The following ZBTB38 variants were observed in gnomAD, a reference collection of about 807,000 sequenced individuals.
The protein encoded by ZBTB38 is zinc finger and BTB domain-containing protein 38.
ZBTB38 carries 20 observed loss-of-function variants against 76.8 expected under a neutral mutation model. The observed-to-expected ratio is 0.26, with a 90% CI of 0.18 to 0.38. The LOEUF is 0.38. Among genes scored for constraint, ZBTB38 ranks in the 10% least tolerant of loss-of-function variants. The pLI is 1.00. For missense variants in ZBTB38, 1,082 were observed against 1,482.3 expected (o/e 0.73, Z 4.43); for synonymous variants, 504 against 544.2 (o/e 0.93, Z 1.03).
At chr3:141,325,254 G>C (rs1349443454) in intron 1 of ZBTB38, among the ~76,000 whole-genome samples, 1 of 152,168 alleles carries the variant, frequency 6.6e-6, no homozygotes, top group Non-Finnish European at 1.5e-5. Flanking sequence ...TTTAGCAAAG[G>C]CTCAAAAATA....
chr3:141,341,994 C>A (rs1943209583), intron 1 of ZBTB38, among the ~76,000 whole-genome samples: 2 of 151,980 alleles, frequency 1.3e-5, no homozygotes, highest in African/African-American at 4.8e-5. Context: ...CTATAATGAA[C>A]AATAATTTAG....
At chr3:141,408,410 G>A (rs1473079683) in intron 5 of ZBTB38, among the ~76,000 whole-genome samples, 1 of 152,194 alleles carries the variant, frequency 6.6e-6, no homozygotes, top group Non-Finnish European at 1.5e-5. Flanking sequence ...AGCCAGGCAT[G>A]GTGGCGCACA....
At chr3:141,345,111 C>T (rs9838625) in intron 1 of ZBTB38, among the ~76,000 whole-genome samples, 83,128 of 152,022 alleles carry the variant, frequency 0.55, 26,066 homozygotes, top group African/African-American at 0.88. Flanking sequence ...CTCTCTCACA[C>T]GAACTACCAA....
chr3:141,445,970 C>G lies in ZBTB38; in HGVS notation c.3582C>G (p.Val1194=). Residue 1194 remains valine (V), a synonymous_variant, in exon 6 of 6, where the codon GTC becomes GTG. Coordinates refer to ENST00000321464, the MANE Select transcript of ZBTB38 (RefSeq NM_001376113.1). This position sits in a 1 kb window ranked among gnomAD's most constrained non-coding sequence, Gnocchi z 6.5. The part of the protein sequence containing the change: ...DNIQTGVENV[V]L ...TACAAACCGGTGTGGAAAATGTTGT[C>G]CTTTGAGTGGCAAGAATTAGAAAAA... 2 of 1,557,674 alleles carry G rather than the reference C, an allele frequency of 1.3e-6. No homozygotes were observed. The highest frequency in any genetic ancestry group is 1.7e-6 in the Non-Finnish European group (2 of 1,158,778).
intron 4 of ZBTB38, among the ~76,000 whole-genome samples, chr3:141,397,072 T>C (rs1272281313): frequency 1.3e-5 from 2 of 152,258 alleles, no homozygotes; most frequent in Non-Finnish European, 1.5e-5. Context: ...AAGTCCTAGG[T>C]GACATCTCCT....
chr3:141,436,011 CA>C (rs1388732864), intron 5 of ZBTB38, among the ~76,000 whole-genome samples: 1 of 152,214 alleles, frequency 6.6e-6, no homozygotes, highest in East Asian at 1.9e-4. Context: ...TAGAAAGTTA[CA>C]TGTAAATTAA....
At chr3:141,434,507 A>C (rs1458149956) in intron 5 of ZBTB38, among the ~76,000 whole-genome samples, 1 of 152,164 alleles carries the variant, frequency 6.6e-6, no homozygotes, top group Admixed American at 6.5e-5. Flanking sequence ...GACCATGAGC[A>C]TAGATTCATT....
intron 2 of ZBTB38, among the ~76,000 whole-genome samples, chr3:141,372,528 T>C (rs1944778655): frequency 6.6e-6 from 1 of 151,702 alleles, no homozygotes; most frequent in African/African-American, 2.4e-5. Flanking sequence ...GGCGCACACC[T>C]ATAATCCCAG....
At chr3:141,393,744 G>A (rs147820252) in intron 4 of ZBTB38, among the ~76,000 whole-genome samples, 116 of 152,064 alleles carry the variant, frequency 7.6e-4, no homozygotes, top group African/African-American at 2.6e-3. Context: ...ATGGAGCTGG[G>A]GGAACAAGGT....
intron 2 of ZBTB38, among the ~76,000 whole-genome samples, chr3:141,374,473 C>T (rs1473525140): frequency 2.0e-5 from 3 of 152,214 alleles, no homozygotes; most frequent in African/African-American, 7.2e-5. Flanking sequence ...TCCACGGAGG[C>T]ATTGACCTTG....
At chr3:141,421,279 T>C (rs1316473587) in intron 5 of ZBTB38, among the ~76,000 whole-genome samples, 1 of 116,734 alleles carries the variant, frequency 8.6e-6, no homozygotes, top group Non-Finnish European at 1.8e-5. Flanking sequence ...AACTTCTCTC[T>C]TTTTTTTTTT....
intron 5 of ZBTB38, among the ~76,000 whole-genome samples, chr3:141,426,406 C>G (rs1386605365): frequency 6.6e-6 from 1 of 152,218 alleles, no homozygotes; most frequent in African/African-American, 2.4e-5. Flanking sequence ...TTTCCATCTA[C>G]TATTCATTGC....
At chr3:141,360,569 A>G (rs1264921608) in intron 1 of ZBTB38, among the ~76,000 whole-genome samples, 1 of 152,164 alleles carries the variant, frequency 6.6e-6, no homozygotes, top group Non-Finnish European at 1.5e-5. Flanking sequence ...TGAATCATTA[A>G]CAATTCTAAT....
At chr3:141,375,696 C>T (rs1945270000) in intron 2 of ZBTB38, among the ~76,000 whole-genome samples, 1 of 152,194 alleles carries the variant, frequency 6.6e-6, no homozygotes, top group East Asian at 1.9e-4. Context: ...AAGTGCCAGA[C>T]TAAAATATGT....
chr3:141,349,004 G>A (rs1943443280), intron 1 of ZBTB38, among the ~76,000 whole-genome samples: 1 of 152,162 alleles, frequency 6.6e-6, no homozygotes, highest in South Asian at 2.1e-4. Flanking sequence ...CAAAATCTAA[G>A]AGACTAGGCA....
At chr3:141,369,488 T>A (rs1944229231) in intron 1 of ZBTB38, among the ~76,000 whole-genome samples, 2 of 152,332 alleles carry the variant, frequency 1.3e-5, no homozygotes, top group Admixed American at 6.5e-5. Context: ...AAGCCTATAA[T>A]TTCACGACCT....
rs555322688 is a variant in ZBTB38 at position 141,443,551 on chromosome 3, G to A, written c.1163G>A (p.Arg388Gln). The A allele has an allele frequency of 1.2e-5, 20 of 1,614,120 alleles. No homozygotes were observed. In the East Asian group the frequency reaches 1.3e-4, roughly 11 times the overall value. The stretch of plus-strand genomic sequence containing the variant: ...TTCACCACCCTGAACAGGTTGGATC[G>A]GCATGAACAGATCTGCATGAGGTCA... ...KQFTTLNRLD[R>Q]HEQICMRSSH... The change falls in exon 6 of 6, where the codon CGG (arginine) becomes CAG (glutamine). Residue 388 changes from arginine to glutamine, a missense_variant. Arg to Gln is a conservative substitution (Grantham distance 43). This residue lies in a region of ZBTB38 where 324 missense variants were observed against 359.1 expected (regional missense o/e 0.90). Coordinates refer to ENST00000321464, the MANE Select transcript of ZBTB38 (RefSeq NM_001376113.1). The surrounding 1 kb of genome is among the most constrained non-coding windows in gnomAD (Gnocchi z 5.6).
chr3:141,377,691 T>C (rs1407669685), intron 2 of ZBTB38, among the ~76,000 whole-genome samples: 1 of 152,168 alleles, frequency 6.6e-6, no homozygotes, highest in East Asian at 1.9e-4. Context: ...ACCTAAAAAC[T>C]GGAAAATAGC....
chr3:141,370,719 A>C (rs1484150313), intron 2 of ZBTB38, among the ~76,000 whole-genome samples: 2 of 152,242 alleles, frequency 1.3e-5, no homozygotes, highest in African/African-American at 4.8e-5. Flanking sequence ...TGAACCATGA[A>C]GGACATTTTC....
Sources: allele counts gnomAD v4.1 joint callset (sites outside exome capture counted in the v4.1 genomes callset), GRCh38; gene constraint gnomAD v4.1.1; regional missense constraint gnomAD v4.1.1; non-coding constraint Gnocchi (gnomAD v3.1); transcripts MANE v1.5; gene names NCBI Gene and HGNC (gene_info 2026-07-23, HGNC 2026-07-21).